HGSNAT: variants seen among roughly 807,000 people sequenced by gnomAD.
HGSNAT encodes heparan-alpha-glucosaminide N-acetyltransferase, also known as transmembrane protein 76.
Under a neutral mutation model 85.2 loss-of-function variants are expected in HGSNAT, and 59 were observed. The ratio of observed to expected loss-of-function variants is 0.69; its 90% confidence interval spans 0.56 to 0.86. HGSNAT has a LOEUF of 0.86. Ranked by LOEUF, HGSNAT falls within the 40% of genes least tolerant of loss-of-function variation. HGSNAT has a pLI of 0.00. For missense variants in HGSNAT, 756 were observed against 777.1 expected (o/e 0.97, Z 0.32); for synonymous variants, 321 against 304.5 (o/e 1.05, Z -0.56).
At chr8:43,161,292 C>T in intron 4 of HGSNAT, 146 bp from the exon 5 acceptor site, 1 of 597,678 alleles carries the variant, frequency 1.7e-6, no homozygotes. Flanking sequence ...ATTATCACTC[C>T]CTTCAGGGTG....
intron 14 of HGSNAT, among the ~76,000 whole-genome samples, chr8:43,195,236 C>A (rs965976808): frequency 2.0e-5 from 3 of 152,034 alleles, no homozygotes; most frequent in Non-Finnish European, 4.4e-5. Context: ...ACTTTTGACT[C>A]CCCCAAAACT....
chr8:43,197,050 A>G, intron 15 of HGSNAT, 25 bp downstream of exon 15: 1 of 1,505,728 alleles, frequency 6.6e-7, no homozygotes, highest in Non-Finnish European at 9.2e-7. Context: ...TTCCTCGCTA[A>G]AATTCCTTTC....
In HGSNAT at chr8:43,140,544, C is replaced by G. The variant is rs1802479958; in HGVS notation, c.48C>G (p.Ser16=). Residue 16 remains serine, a synonymous_variant, in exon 1 of 18, where the codon TCC becomes TCG. Coordinates refer to ENST00000379644, the MANE Select transcript of HGSNAT (RefSeq NM_152419.3). The part of the protein sequence containing the change: ...RALAALLLAA[S]VLSAALLAPG... ...TGGCCGCGCTGCTGCTGGCCGCGTC[C>G]GTGCTGAGCGCCGCGCTGCTGGCCC... is the stretch of plus-strand genomic sequence containing the variant. 1.7e-6 allele frequency: 2 copies of G among 1,163,640 alleles called. No individual in the cohort carries two copies. Among genetic ancestry groups the G allele is most frequent in the African/African-American group, 1.6e-5 (1 of 61,128 alleles). 72.1% of individuals were successfully genotyped at this position (1,163,640 alleles called of 1,614,324 possible).
chr8:43,178,022 A>G (rs1171935993), intron 9 of HGSNAT, 52 bp from the exon 10 acceptor site: 12 of 1,458,572 alleles, frequency 8.2e-6, no homozygotes, highest in Admixed American at 1.7e-5. Context: ...TTACTGATAT[A>G]TAGACAAAAA....
intron 11 of HGSNAT, among the ~76,000 whole-genome samples, chr8:43,182,761 A>T (rs1041314485): frequency 1.2e-4 from 18 of 152,188 alleles, no homozygotes; most frequent in Non-Finnish European, 2.5e-4. Context: ...AGTGTTTTTT[A>T]AAAAAAGGGA....
intron 14 of HGSNAT, chr8:43,196,426 C>T (rs1040063350): frequency 7.8e-7 from 1 of 1,288,288 alleles, no homozygotes; most frequent in Non-Finnish European, 1.0e-6. Context: ...GTCCCTCTTC[C>T]TAGTGCTGCC....
intron 1 of HGSNAT, among the ~76,000 whole-genome samples, chr8:43,144,828 TA>T (rs1325556800): frequency 3.9e-5 from 6 of 152,220 alleles, no homozygotes; most frequent in Non-Finnish European, 8.8e-5. Flanking sequence ...AAAGAGAGGT[TA>T]GGGGTACTGG....
intron 7 of HGSNAT, among the ~76,000 whole-genome samples, chr8:43,170,959 T>A (rs1247848085): frequency 1.3e-5 from 2 of 152,140 alleles, no homozygotes; most frequent in Non-Finnish European, 2.9e-5. Flanking sequence ...GTGAAGGGCA[T>A]TTTTATTTGG....
chr8:43,162,232 G>A (rs1803289047), intron 5 of HGSNAT, among the ~76,000 whole-genome samples: 1 of 152,176 alleles, frequency 6.6e-6, no homozygotes. Flanking sequence ...TATCCAAACT[G>A]AAAGAATGAA....
intron 2 of HGSNAT, among the ~76,000 whole-genome samples, chr8:43,149,102 C>T (rs1019368234): frequency 2.0e-5 from 3 of 146,488 alleles, no homozygotes; most frequent in African/African-American, 2.5e-5. Flanking sequence ...GGCATCAGAG[C>T]GAGACTCTGT....
At position 43,151,802 on chromosome 8, in the gene HGSNAT, A is replaced by G. The variant is rs1303052686; in HGVS notation, c.234+4739A>G. 2.0e-5 allele frequency among the ~76,000 whole-genome samples: 3 copies of G among 152,198 alleles called. No individual in the cohort carries two copies. In the East Asian group the frequency reaches 5.8e-4, roughly 29 times the overall value. On this transcript the variant is annotated intron_variant, in intron 2 of 17. Coordinates refer to ENST00000379644, the MANE Select transcript of HGSNAT (RefSeq NM_152419.3). ...GCTACTGTTTCCTGAGGACTTGTTC[A>G]GTGTTTTAGGTCTGTCTCATTTAAC...
intron 10 of HGSNAT, among the ~76,000 whole-genome samples, chr8:43,179,223 G>A (rs551365795): frequency 6.6e-5 from 10 of 151,606 alleles, no homozygotes; most frequent in East Asian, 3.9e-4. Context: ...CGGATGGGGC[G>A]GCTGGCCGGG....
At position 43,182,182 on chromosome 8, in the gene HGSNAT, G is replaced by C; in HGVS notation, c.1050G>C (p.Gln350His). The C allele has an allele frequency of 3.1e-6, 5 of 1,614,018 alleles. No individual in the cohort carries two copies. Among genetic ancestry groups the C allele is most frequent in the Non-Finnish European group, 4.2e-6 (5 of 1,179,888 alleles). Reference sequence around the variant, plus strand: ...AGGTGCGCATTCCTGGTGTGCTGCAGCGATTGGGAGTGACATACTTTGTGG... The same window carrying C: ...AGGTGCGCATTCCTGGTGTGCTGCACCGATTGGGAGTGACATACTTTGTGG... ...WDKVRIPGVLQRLGVTYFVVA... is the reference protein window; with the variant it reads ...WDKVRIPGVLHRLGVTYFVVA... Residue 350 changes from glutamine to histidine, a missense_variant, in exon 11 of 18, where the codon CAG (glutamine) becomes CAC (histidine). Transcript: ENST00000379644.
intron 5 of HGSNAT, among the ~76,000 whole-genome samples, chr8:43,167,511 T>A (rs559276367): frequency 2.6e-5 from 4 of 152,358 alleles, no homozygotes; most frequent in South Asian, 2.1e-4. Flanking sequence ...AATACATTTT[T>A]AAATTAAGGT....
chr8:43,188,247 T>G (rs925387809), intron 11 of HGSNAT, among the ~76,000 whole-genome samples: 3 of 152,248 alleles, frequency 2.0e-5, no homozygotes, highest in African/African-American at 7.2e-5. Flanking sequence ...TTTTCCGACT[T>G]GGTTCTGTTC....
intron 8 of HGSNAT, 21 bp downstream of exon 8, chr8:43,172,407 A>G (rs780853640): frequency 1.3e-6 from 2 of 1,510,090 alleles, no homozygotes; most frequent in Non-Finnish European, 1.8e-6. Flanking sequence ...TCCTAAAAGT[A>G]ATGTTGCTTA....
At chr8:43,152,595 C>T (rs912391342) in intron 2 of HGSNAT, among the ~76,000 whole-genome samples, 1 of 152,076 alleles carries the variant, frequency 6.6e-6, no homozygotes, top group East Asian at 1.9e-4. Context: ...GGACTATAGG[C>T]GTGGACCATG....
At chr8:43,177,698 A>G (rs1394903050) in intron 9 of HGSNAT, among the ~76,000 whole-genome samples, 1 of 152,216 alleles carries the variant, frequency 6.6e-6, no homozygotes, top group African/African-American at 2.4e-5. Flanking sequence ...GGTGTATAGA[A>G]ATGATTGAAA....
At chr8:43,146,371 G>C (rs914773242) in intron 1 of HGSNAT, among the ~76,000 whole-genome samples, 2 of 152,198 alleles carry the variant, frequency 1.3e-5, no homozygotes, top group Non-Finnish European at 2.9e-5. Flanking sequence ...ACTCAAGCAG[G>C]TTCTGCATTT....
Sources: gnomAD v4.1 joint callset for allele counts (sites outside exome capture counted in the v4.1 genomes callset) on GRCh38, gnomAD v4.1.1 for gene constraint, MANE v1.5 for transcripts, NCBI Gene and HGNC (gene_info 2026-07-23, HGNC 2026-07-21) for gene names.